The following EFHC1 variants were observed in gnomAD, a reference collection of about 807,000 sequenced individuals.
EFHC1 encodes EF-hand domain-containing protein 1.
A neutral mutation model predicts 69.9 loss-of-function variants in EFHC1; 53 were observed. That is an observed-to-expected ratio of 0.76 (90% CI 0.61 to 0.95). The LOEUF (loss-of-function observed/expected upper bound fraction) is 0.95. EFHC1 is among the 40% of genes least tolerant of loss of function. The pLI is 0.00. For synonymous variants in EFHC1, 256 were observed against 278.4 expected (o/e 0.92, Z 0.80); for missense variants, 739 against 798.7 (o/e 0.93, Z 0.90).
At chr6:52,489,538 C>T in intron 9 of EFHC1, 1 of 153,510 alleles carries the variant, frequency 6.5e-6, no homozygotes, top group Non-Finnish European at 1.5e-5. Context: ...AGGGTTAGAC[C>T]TCTCTCTTCC....
intron 7 of EFHC1, among the ~76,000 whole-genome samples, chr6:52,478,333 A>T (rs2114022609): frequency 6.6e-6 from 1 of 152,176 alleles, no homozygotes; most frequent in South Asian, 2.1e-4. Context: ...CTAGATGACG[A>T]GTTAGTGGGT....
chr6:52,423,693 T>TTA, intron 1 of EFHC1: 3 of 534,698 alleles, frequency 5.6e-6, no homozygotes, highest in South Asian at 2.8e-5. Context: ...TTAGTTTTTG[T>TTA]AGAGACAGCA....
At chr6:52,443,724 T>C (rs955851467) in intron 3 of EFHC1, among the ~76,000 whole-genome samples, 1 of 152,260 alleles carries the variant, frequency 6.6e-6, no homozygotes, top group African/African-American at 2.4e-5. Context: ...GGTAGCGTGA[T>C]GCCTCCAGCT....
intron 3 of EFHC1, among the ~76,000 whole-genome samples, chr6:52,444,079 G>C (rs965745495): frequency 1.1e-4 from 17 of 152,094 alleles, no homozygotes; most frequent in African/African-American, 3.9e-4. Flanking sequence ...TCATGATTTG[G>C]CTCTCTGTTT....
chr6:52,453,532 T>G lies in EFHC1; in HGVS notation c.724-563T>G, dbSNP rs149528837. ...AATGTAAACTAGCACTAGCATGGTC[T>G]TTTAAGGATTTTGTTCATATCAGTC... is the stretch of plus-strand genomic sequence containing the variant. On this transcript the variant is annotated intron_variant, in intron 4 of 10. Coordinates refer to ENST00000371068, the MANE Select transcript of EFHC1 (RefSeq NM_018100.4). The G allele has an allele frequency of 5.8e-4, 752 of 1,286,878 alleles. 12 individuals are homozygous for G. The East Asian group carries it at 0.031, about 52-fold the overall frequency. 79.7% of individuals were successfully genotyped at this position (1,286,878 alleles called of 1,614,324 possible).
At chr6:52,421,342 A>C (rs1764187074) in intron 1 of EFHC1, among the ~76,000 whole-genome samples, 1 of 151,758 alleles carries the variant, frequency 6.6e-6, no homozygotes, top group African/African-American at 2.4e-5. Context: ...ATTCCTGTTT[A>C]GATTTTGTTT....
chr6:52,460,582 T>C (rs1413553098), intron 5 of EFHC1, among the ~76,000 whole-genome samples: 1 of 152,150 alleles, frequency 6.6e-6, no homozygotes, highest in Non-Finnish European at 1.5e-5. Context: ...CATAGTCAAA[T>C]GTAAGAACAC....
chr6:52,429,092 A>G (rs1764363842), intron 2 of EFHC1, among the ~76,000 whole-genome samples: 1 of 151,978 alleles, frequency 6.6e-6, no homozygotes, highest in South Asian at 2.1e-4. Context: ...CTGGATATTA[A>G]TCTTTTGTCA....
intron 10 of EFHC1, among the ~76,000 whole-genome samples, chr6:52,491,950 C>G (rs1765913322): frequency 6.6e-6 from 1 of 152,196 alleles, no homozygotes; most frequent in African/African-American, 2.4e-5. Context: ...TGCCAACATC[C>G]TGCTTTCATG....
At chr6:52,438,077 C>G (rs1437251196) in intron 2 of EFHC1, among the ~76,000 whole-genome samples, 3 of 151,624 alleles carry the variant, frequency 2.0e-5, no homozygotes, top group Non-Finnish European at 4.4e-5. Context: ...TATGTAAAAC[C>G]CACTCTTAGC....
chr6:52,450,027 G>T (rs533686401), intron 3 of EFHC1, among the ~76,000 whole-genome samples: 1 of 152,288 alleles, frequency 6.6e-6, no homozygotes, highest in South Asian at 2.1e-4. Flanking sequence ...TACTTTCAAA[G>T]AAATTCTTGA....
At chr6:52,458,895 A>G (rs1007675145) in intron 5 of EFHC1, among the ~76,000 whole-genome samples, 3 of 152,222 alleles carry the variant, frequency 2.0e-5, no homozygotes, top group African/African-American at 7.2e-5. Flanking sequence ...AAATGTGTTA[A>G]TGGTACATAT....
At chr6:52,440,778 C>G (rs1392330216) in intron 3 of EFHC1, among the ~76,000 whole-genome samples, 4 of 152,080 alleles carry the variant, frequency 2.6e-5, no homozygotes, top group African/African-American at 4.8e-5. Context: ...TCTTTTTCTC[C>G]ACAACCTTGA....
At position 52,492,260 on chromosome 6, in the gene EFHC1, C is replaced by G. The variant is rs759285343; in HGVS notation, c.1852-10C>G. 3 of 1,613,230 alleles carry G rather than the reference C, an allele frequency of 1.9e-6. No homozygotes were observed. In the African/African-American group the frequency reaches 4.0e-5, roughly 22 times the overall value. On this transcript the variant is annotated splice_polypyrimidine_tract_variant and intron_variant, in intron 10 of 10. Coordinates refer to ENST00000371068, the MANE Select transcript of EFHC1 (RefSeq NM_018100.4). ...ATCTGTCTCACCTATTCTCTTTGCT[C>G]TCTCTGCAGTTAATCAGGATGTGCT...
At chr6:52,469,198 A>G in intron 6 of EFHC1, 135 bp from the exon 7 acceptor site, 4 of 1,145,866 alleles carry the variant, frequency 3.5e-6, no homozygotes, top group Non-Finnish European at 5.0e-6. Context: ...ATATTTTCTG[A>G]CTATATTTGT....
intron 4 of EFHC1, chr6:52,453,743 T>TCTAA (rs1346278077): frequency 8.1e-7 from 1 of 1,241,978 alleles, no homozygotes; most frequent in Non-Finnish European, 1.0e-6. Flanking sequence ...TAAACCATAT[T>TCTAA]CACATGTACC....
rs1297408431 is a variant in EFHC1 at position 52,479,771 on chromosome 6, G to T, written c.1624G>T (p.Ala542Ser). ...CCATGTCCGAAAGCGAGAAGCGCCT[G>T]CTCCAGAAGCAGAAAGGTGTGTGTT... ...QNHVRKREAP[A>S]PEAESKQTEK... The change falls in exon 9 of 11, where the codon GCT (alanine) becomes TCT (serine). Residue 542 changes from alanine (A) to serine (S), a missense_variant. Ala to Ser is a moderately conservative substitution (Grantham distance 99). Coordinates refer to ENST00000371068, the MANE Select transcript of EFHC1 (RefSeq NM_018100.4). 6.2e-7 allele frequency: 1 copy of T among 1,614,024 alleles called. No individual in the cohort carries two copies. Among genetic ancestry groups the T allele is most frequent in the African/African-American group, 1.3e-5 (1 of 74,928 alleles).
Position 52,479,357 on chromosome 6 carries a change from T to C in EFHC1, c.1492+107T>C, listed in dbSNP as rs1765620345. 7.2e-6 allele frequency: 9 copies of C among 1,243,286 alleles called. No homozygotes were observed. In the Admixed American group the frequency reaches 1.7e-4, roughly 23 times the overall value. 77.0% of individuals were successfully genotyped at this position (1,243,286 alleles called of 1,614,324 possible). ...AGAGGCAATTAGATTGTATTGCAAC[T>C]GAGATAAAGCTACTATCCTTGTATA... On this transcript the variant is annotated intron_variant, in intron 8 of 10. Coordinates refer to ENST00000371068, the MANE Select transcript of EFHC1 (RefSeq NM_018100.4).
chr6:52,489,970 T>C (rs1236872680), intron 9 of EFHC1, among the ~76,000 whole-genome samples, 170 bp from the exon 10 acceptor site: 1 of 152,078 alleles, frequency 6.6e-6, no homozygotes, highest in African/African-American at 2.4e-5. Context: ...GCCTTCCTGA[T>C]GTGGAGGTCA....
Sources: allele counts gnomAD v4.1 joint callset (sites outside exome capture counted in the v4.1 genomes callset), GRCh38; gene constraint gnomAD v4.1.1; transcripts MANE v1.5; gene names NCBI Gene and HGNC (gene_info 2026-07-23, HGNC 2026-07-21).